The following SNTG1 variants were observed in gnomAD, a reference collection of about 807,000 sequenced individuals.
The protein encoded by SNTG1 is syntrophin gamma 1.
Under a neutral mutation model 74.7 loss-of-function variants are expected in SNTG1, and 39 were observed. The ratio of observed to expected loss-of-function variants is 0.52; its 90% CI spans 0.40 to 0.68. The LOEUF is 0.68. SNTG1 is among the 30% of genes least tolerant of loss of function. The pLI, the probability that SNTG1 is intolerant of heterozygous loss-of-function variation, is 0.00. For synonymous variants in SNTG1, 254 were observed against 217.1 expected (o/e 1.17, Z -1.49); for missense variants, 685 against 609.5 (o/e 1.12, Z -1.30).
chr8:49,985,420 G>A (rs975332464), intron 1 of SNTG1, among the ~76,000 whole-genome samples: 2 of 143,406 alleles, frequency 1.4e-5, no homozygotes, highest in Non-Finnish European at 3.1e-5. Context: ...ATGAGCCACC[G>A]CACCGAGCCT....
chr8:50,645,208 T>C (rs28705974), intron 13 of SNTG1, among the ~76,000 whole-genome samples: 32,024 of 114,640 alleles, frequency 0.28, 3,752 homozygotes, highest in African/African-American at 0.39. Flanking sequence ...ATTTTATATA[T>C]GTTAACAGTT....
At chr8:50,058,405 ATCTAAGTC>A (rs1435097172) in intron 1 of SNTG1, among the ~76,000 whole-genome samples, 2 of 152,120 alleles carry the variant, frequency 1.3e-5, no homozygotes, top group African/African-American at 4.8e-5. Flanking sequence ...CACACACCTT[ATCTAAGTC>A]TCTATTTCCT....
At chr8:50,478,071 G>T (rs1328280457) in intron 8 of SNTG1, among the ~76,000 whole-genome samples, 3 of 151,998 alleles carry the variant, frequency 2.0e-5, no homozygotes, top group African/African-American at 7.2e-5. Flanking sequence ...CTCTCCTATA[G>T]ATTTTGCTTC....
intron 15 of SNTG1, among the ~76,000 whole-genome samples, chr8:50,698,502 G>A (rs936687571): frequency 6.6e-6 from 1 of 152,064 alleles, no homozygotes; most frequent in African/African-American, 2.4e-5. Flanking sequence ...TGAAAGATGG[G>A]GTGAGCCTGG....
At chr8:50,206,276 T>A (rs942940575) in intron 2 of SNTG1, among the ~76,000 whole-genome samples, 4 of 152,204 alleles carry the variant, frequency 2.6e-5, no homozygotes, top group Non-Finnish European at 5.9e-5. Flanking sequence ...CTTGAAGAGG[T>A]CCTTCACATC....
At chr8:50,282,332 GC>G (rs1188467490) in intron 2 of SNTG1, among the ~76,000 whole-genome samples, 1 of 148,644 alleles carries the variant, frequency 6.7e-6, no homozygotes, top group Non-Finnish European at 1.5e-5. Flanking sequence ...ACAAAAATCG[GC>G]CAGAAGCCCC....
chr8:50,426,985 G>C (rs1231465306), intron 4 of SNTG1, among the ~76,000 whole-genome samples: 2 of 152,128 alleles, frequency 1.3e-5, no homozygotes, highest in African/African-American at 4.8e-5. Flanking sequence ...ACCTGGAGAT[G>C]TATGTAGATC....
rs539421723 is a variant in SNTG1 at position 50,592,906 on chromosome 8, AATTTATAGTTAAAC to A, written c.849+1997_849+2010del. On this transcript the variant is annotated intron_variant, in intron 13 of 18. Transcript: ENST00000642720. The stretch of plus-strand genomic sequence containing the variant: ...ATGAAGAATTTTAAGAAATAGGATT[AATTTATAGTTAAAC>A]ATTTATATTATTGCATAATTAGGAA... Among the ~76,000 whole-genome samples the A allele has an allele frequency of 4.9e-4, 74 of 152,272 alleles. No individual in the cohort carries two copies. In the East Asian group the frequency reaches 0.014, roughly 28 times the overall value.
chr8:49,973,255 TCA>T (rs1811872846), intron 1 of SNTG1, among the ~76,000 whole-genome samples: 1 of 150,198 alleles, frequency 6.7e-6, no homozygotes, highest in South Asian at 2.1e-4. Flanking sequence ...CAGCAAACTA[TCA>T]CAAGGACAAA....
intron 8 of SNTG1, among the ~76,000 whole-genome samples, chr8:50,495,890 C>T (rs1035496145): frequency 6.6e-6 from 1 of 152,170 alleles, no homozygotes; most frequent in African/African-American, 2.4e-5. Context: ...CTAACACTGG[C>T]ATGAAAGCCT....
rs189750103 is a variant in SNTG1 at position 50,783,017 on chromosome 8, C to T, written c.1396-9654C>T. Among the ~76,000 whole-genome samples, 585 of 152,172 alleles carry T rather than the reference C, an allele frequency of 3.8e-3. 4 individuals carry two copies. Among genetic ancestry groups the T allele is most frequent in the African/African-American group, 0.013 (539 of 41,510 alleles). On this transcript the variant is annotated intron_variant, in intron 18 of 18. Transcript: ENST00000642720. ...CCAGCAGCGGTGGCTGCAGAAGAGC[C>T]GATTTTCATGAACCGCAAATGCTGC...
chr8:50,243,751 G>T (rs534502378), intron 2 of SNTG1, among the ~76,000 whole-genome samples: 1 of 151,918 alleles, frequency 6.6e-6, no homozygotes, highest in African/African-American at 2.4e-5. Flanking sequence ...TTAGATTAGA[G>T]TTTAAAACTC....
chr8:50,381,461 T>G (rs1162459266), intron 2 of SNTG1, among the ~76,000 whole-genome samples: 1 of 150,746 alleles, frequency 6.6e-6, no homozygotes, highest in East Asian at 1.9e-4. Context: ...TAAGTTTTGT[T>G]GTTGGAAAAA....
chr8:50,534,501 A>G (rs2094293602), intron 10 of SNTG1, among the ~76,000 whole-genome samples: 1 of 152,164 alleles, frequency 6.6e-6, no homozygotes. Flanking sequence ...CTTCTTTAAA[A>G]AAACTTTCTT....
chr8:50,216,590 T>C (rs1419674087), intron 2 of SNTG1, among the ~76,000 whole-genome samples: 1 of 152,174 alleles, frequency 6.6e-6, no homozygotes, highest in Non-Finnish European at 1.5e-5. Context: ...TTAGATTTTA[T>C]CTGAAGGGGT....
chr8:49,963,368 G>A (rs1403315197), intron 1 of SNTG1, among the ~76,000 whole-genome samples: 1 of 152,124 alleles, frequency 6.6e-6, no homozygotes, highest in Non-Finnish European at 1.5e-5. Flanking sequence ...ATCTTGGCAC[G>A]GCTGATTTTG....
intron 2 of SNTG1, among the ~76,000 whole-genome samples, chr8:50,259,599 C>CCAAATAAA (rs2087079795): frequency 6.6e-6 from 1 of 151,182 alleles, no homozygotes; most frequent in South Asian, 2.1e-4. Context: ...AAGCACATTT[C>CCAAATAAA]CAAATAAACA....
intron 12 of SNTG1, chr8:50,575,692 G>A (rs1490238725): frequency 6.6e-6 from 1 of 152,188 alleles, no homozygotes; most frequent in Non-Finnish European, 1.5e-5. Context: ...GTCGGCAGTG[G>A]AACAGTGTGA....
intron 17 of SNTG1, among the ~76,000 whole-genome samples, chr8:50,720,060 T>A (rs572772825): frequency 1.3e-5 from 2 of 152,314 alleles, no homozygotes; most frequent in South Asian, 4.1e-4. Context: ...TTTAGGCAAC[T>A]GGCCCAATGA....
Sources: gnomAD v4.1 joint callset for allele counts (sites outside exome capture counted in the v4.1 genomes callset) on GRCh38, gnomAD v4.1.1 for gene constraint, MANE v1.5 for transcripts, NCBI Gene and HGNC (gene_info 2026-07-23, HGNC 2026-07-21) for gene names.